Variants in GRIA2 observed in about 807,000 individuals in gnomAD.
GRIA2 encodes glutamate ionotropic receptor AMPA type subunit 2.
In GRIA2, 14 loss-of-function variants were observed where a neutral mutation model predicts 97.3. The observed-to-expected ratio is 0.14, with a 90% CI of 0.10 to 0.23. The LOEUF (loss-of-function observed/expected upper bound fraction) is 0.23, where lower values mean the gene tolerates loss of function less well. GRIA2 is among the 10% of genes least tolerant of loss of function. The pLI is 1.00. For synonymous variants in GRIA2, 412 were observed against 387.8 expected (o/e 1.06, Z -0.73); for missense variants, 558 against 1,069.8 (o/e 0.52, Z 6.67).
At chr4:157,291,635 CAT>C (rs879903921) in intron 2 of GRIA2, among the ~76,000 whole-genome samples, 2 of 151,836 alleles carry the variant, frequency 1.3e-5, no homozygotes, top group African/African-American at 2.4e-5. Flanking sequence ...GCACAGATAA[CAT>C]ATTAATTGCA....
intron 13 of GRIA2, chr4:157,360,646 C>T: frequency 2.2e-6 from 1 of 462,692 alleles, no homozygotes; most frequent in Non-Finnish European, 4.3e-6. Flanking sequence ...TTTCTTTGCA[C>T]ACATCTCTTT....
chr4:157,246,846 TACTC>T (rs1662751940), intron 2 of GRIA2, among the ~76,000 whole-genome samples: 1 of 152,150 alleles, frequency 6.6e-6, no homozygotes, highest in African/African-American at 2.4e-5. Context: ...TTAGGAAACA[TACTC>T]AGATACACAT....
At chr4:157,347,471 C>T (rs549591764) in intron 12 of GRIA2, among the ~76,000 whole-genome samples, 3 of 152,162 alleles carry the variant, frequency 2.0e-5, no homozygotes, top group South Asian at 2.1e-4. Flanking sequence ...ATCATGAGAA[C>T]GATTAATCTA....
intron 2 of GRIA2, among the ~76,000 whole-genome samples, chr4:157,239,740 A>C (rs1730418253): frequency 6.6e-6 from 1 of 151,954 alleles, no homozygotes; most frequent in African/African-American, 2.4e-5. Context: ...AAAAATCAAT[A>C]AGTATTGTTT....
chr4:157,227,115 A>C (rs1729783413), intron 2 of GRIA2, among the ~76,000 whole-genome samples: 1 of 152,170 alleles, frequency 6.6e-6, no homozygotes, highest in Admixed American at 6.5e-5. Context: ...TACCTTATGA[A>C]ACTATAGAGG....
intron 6 of GRIA2, 101 bp downstream of exon 6, chr4:157,321,700 A>G (rs1240742122): frequency 9.5e-6 from 7 of 739,412 alleles, no homozygotes; most frequent in Non-Finnish European, 2.2e-6. Flanking sequence ...GGGAGTAGAG[A>G]GCACGTTTCA....
intron 12 of GRIA2, among the ~76,000 whole-genome samples, chr4:157,357,276 C>G (rs1455189922): frequency 1.3e-5 from 2 of 152,092 alleles, no homozygotes; most frequent in East Asian, 3.8e-4. Context: ...TAATGAATCG[C>G]AGTTTTCAAC....
At position 157,277,890 on chromosome 4, in the gene GRIA2, G is replaced by GTA. The variant is rs559433961; in HGVS notation, c.230-25652_230-25651dup. ...TATATATGTATATATATGTATATAT[G>GTA]TATATATATATGTATATATGTATAT... is the stretch of plus-strand genomic sequence containing the variant. On this transcript the variant is annotated intron_variant, in intron 2 of 15. Coordinates refer to ENST00000264426, the MANE Select transcript of GRIA2 (RefSeq NM_001083619.3). Among the ~76,000 whole-genome samples, 342 of 75,684 alleles carry GTA rather than the reference G, an allele frequency of 4.5e-3. 7 individuals are homozygous for GTA. Among genetic ancestry groups the GTA allele is most frequent in the Admixed American group, 0.03 (271 of 9,048 alleles). The allele number at this position is 75,684 out of a possible 152,430, so 49.7% of individuals were successfully genotyped here.
At chr4:157,277,320 A>G (rs1732367985) in intron 2 of GRIA2, among the ~76,000 whole-genome samples, 1 of 151,938 alleles carries the variant, frequency 6.6e-6, no homozygotes, top group Non-Finnish European at 1.5e-5. Flanking sequence ...AAAGCATTTG[A>G]CAAAATTCAG....
intron 2 of GRIA2, among the ~76,000 whole-genome samples, chr4:157,224,206 G>A (rs765365738): frequency 6.6e-6 from 1 of 152,038 alleles, no homozygotes; most frequent in Non-Finnish European, 1.5e-5. Flanking sequence ...CATTTCCAGA[G>A]ACTAAAATTA....
At chr4:157,262,565 C>T (rs1731590359) in intron 2 of GRIA2, among the ~76,000 whole-genome samples, 1 of 152,014 alleles carries the variant, frequency 6.6e-6, no homozygotes, top group African/African-American at 2.4e-5. Flanking sequence ...GCCCATATGG[C>T]TTCTGAGCTA....
In GRIA2 at chr4:157,231,630, C is replaced by T. The variant is rs547658672; in HGVS notation, c.229+9823C>T. Among the ~76,000 whole-genome samples the T allele has an allele frequency of 3.3e-5, 5 of 152,126 alleles. No homozygotes were observed. In the South Asian group the frequency reaches 6.2e-4, roughly 19 times the overall value. The stretch of plus-strand genomic sequence containing the variant: ...GTAAAAATATACAATATGGAATGTA[C>T]GACTAGACTGCATTTTATAGGGAGC... On this transcript the variant is annotated intron_variant, in intron 2 of 15. Coordinates refer to ENST00000264426, the MANE Select transcript of GRIA2 (RefSeq NM_001083619.3).
chr4:157,224,369 G>A (rs929784421), intron 2 of GRIA2, among the ~76,000 whole-genome samples: 7 of 152,138 alleles, frequency 4.6e-5, no homozygotes, highest in Admixed American at 3.9e-4. Context: ...GAACTAGGGG[G>A]GTACTGTGAC....
intron 12 of GRIA2, among the ~76,000 whole-genome samples, chr4:157,343,372 A>T (rs1361226035): frequency 6.6e-6 from 1 of 152,102 alleles, no homozygotes; most frequent in African/African-American, 2.4e-5. Context: ...GTATTTGATC[A>T]CATTCATGCA....
At position 157,356,100 on chromosome 4, in the gene GRIA2, T is replaced by G. The variant is rs1464368224; in HGVS notation, c.2044-3796T>G. ...TTATTTATTTATATATATTTATATA[T>G]TTATATTTATTTATTTATATATATT... On this transcript the variant is annotated intron_variant, in intron 12 of 15. Transcript: ENST00000264426. Among the ~76,000 whole-genome samples the G allele has an allele frequency of 4.4e-3, 557 of 125,718 alleles. 11 individuals are homozygous for G. Among genetic ancestry groups the G allele is most frequent in the African/African-American group, 0.016 (523 of 32,490 alleles). The allele number at this position is 125,718 out of a possible 152,430, so 82.5% of individuals were successfully genotyped here.
At chr4:157,225,930 G>C (rs72685596) in intron 2 of GRIA2, among the ~76,000 whole-genome samples, 2,112 of 151,986 alleles carry the variant, frequency 0.014, 30 homozygotes, top group Middle Eastern at 0.037. Context: ...CATTATAAAA[G>C]ATTTTAGTAA....
intron 2 of GRIA2, among the ~76,000 whole-genome samples, chr4:157,293,542 A>G (rs1200906394): frequency 6.6e-6 from 1 of 152,174 alleles, no homozygotes; most frequent in Non-Finnish European, 1.5e-5. Flanking sequence ...TACATCCCAC[A>G]TTATTGTTAA....
intron 2 of GRIA2, among the ~76,000 whole-genome samples, chr4:157,273,476 A>G (rs906517600): frequency 3.3e-5 from 5 of 152,124 alleles, no homozygotes; most frequent in African/African-American, 1.2e-4. Flanking sequence ...AAGGGCTTCA[A>G]TGGCAAAAGT....
chr4:157,357,860 A>G (rs1251279916), intron 12 of GRIA2, among the ~76,000 whole-genome samples: 1 of 152,126 alleles, frequency 6.6e-6, no homozygotes, highest in East Asian at 1.9e-4. Flanking sequence ...AATATTCTTA[A>G]AACCAGCCGA....
Sources: gnomAD v4.1 joint callset for allele counts (sites outside exome capture counted in the v4.1 genomes callset) on GRCh38, gnomAD v4.1.1 for gene constraint, MANE v1.5 for transcripts, NCBI Gene and HGNC (gene_info 2026-07-23, HGNC 2026-07-21) for gene names.